The following CADPS variants were observed in gnomAD, a reference collection of about 807,000 sequenced individuals.
CADPS encodes calcium dependent secretion activator.
Under a neutral mutation model 167.3 loss-of-function variants are expected in CADPS, and 57 were observed. That is an observed-to-expected ratio of 0.34 (90% CI 0.28 to 0.42). The LOEUF (loss-of-function observed/expected upper bound fraction) is 0.42. CADPS is among the 20% of genes least tolerant of loss of function. CADPS has a pLI of 1.00. For missense variants in CADPS, 1,414 were observed against 1,738.1 expected, an observed-to-expected ratio of 0.81 and a Z score of 3.32; for synonymous variants, 676 against 635.3, an observed-to-expected ratio of 1.06 and a Z score of -0.96.
At chr3:62,507,232 T>G (rs2066861648) in intron 17 of CADPS, among the ~76,000 whole-genome samples, 1 of 152,128 alleles carries the variant, frequency 6.6e-6, no homozygotes, top group South Asian at 2.1e-4. Context: ...CAGTCAGTTC[T>G]TCTTAGGGGT....
intron 3 of CADPS, among the ~76,000 whole-genome samples, chr3:62,740,549 T>C (rs1267040060): frequency 3.3e-5 from 5 of 152,196 alleles, no homozygotes; most frequent in Non-Finnish European, 7.3e-5. Flanking sequence ...AGATCATCTC[T>C]CTTTACTCAG....
At position 62,433,977 on chromosome 3, in the gene CADPS, C is replaced by T. The variant is rs1190355898; in HGVS notation, c.3777+4127G>A. Among the ~76,000 whole-genome samples, 1 of 152,186 alleles carries T rather than the reference C, an allele frequency of 6.6e-6. No individual in the cohort carries two copies. Among genetic ancestry groups the T allele is most frequent in the African/African-American group, 2.4e-5 (1 of 41,448 alleles). On this transcript the variant is annotated intron_variant, in intron 28 of 29. Coordinates refer to ENST00000383710, the MANE Select transcript of CADPS (RefSeq NM_003716.4). This position sits in a 1 kb window ranked among gnomAD's most constrained non-coding sequence, Gnocchi z 4.7. ...AAGTTATTTCTTGAGCTTGTGCTTT[C>T]CTCTGTAGCTGCTGCTTTAGGAATA...
rs943431799 is a variant in CADPS, at chr3:62,602,636, A to C, written c.1326-9888T>G. Among the ~76,000 whole-genome samples the C allele has an allele frequency of 2.0e-5, 3 of 152,122 alleles. No individual in the cohort carries two copies. The highest frequency in any genetic ancestry group is 7.2e-5 in the African/African-American group (3 of 41,438). ...GGCTGGGCTTTGGGTTCTTTAGTGT[A>C]CTAGAAAAGCTAAGCTACCTCTCAT... is the stretch of plus-strand genomic sequence containing the variant. On this transcript the variant is annotated intron_variant, in intron 6 of 29. Transcript: ENST00000383710. The surrounding 1 kb of genome is among the most constrained non-coding windows in gnomAD (Gnocchi z 4.4).
chr3:62,746,410 A>T (rs1195663809), intron 3 of CADPS, among the ~76,000 whole-genome samples: 1 of 152,004 alleles, frequency 6.6e-6, no homozygotes, highest in African/African-American at 2.4e-5. Flanking sequence ...TTCATGGCTC[A>T]CTTCAGCCTT....
chr3:62,818,897 T>G (rs116735266), intron 1 of CADPS, among the ~76,000 whole-genome samples: 87 of 152,320 alleles, frequency 5.7e-4, no homozygotes, highest in Non-Finnish European at 1.1e-3. Flanking sequence ...TTCAGTAGTA[T>G]TATTCTGAGT....
chr3:62,476,639 A>G (rs767183504), intron 23 of CADPS, among the ~76,000 whole-genome samples: 2 of 152,132 alleles, frequency 1.3e-5, no homozygotes. Context: ...ATGGTAAGGG[A>G]TAAGAGTCCC....
chr3:62,656,646 C>T (rs1349626747), intron 4 of CADPS, among the ~76,000 whole-genome samples: 1 of 152,144 alleles, frequency 6.6e-6, no homozygotes, highest in Non-Finnish European at 1.5e-5. Flanking sequence ...GCCATTCCAC[C>T]ATTACCCAGA....
At chr3:62,718,911 G>T (rs1024778362) in intron 3 of CADPS, among the ~76,000 whole-genome samples, 3 of 152,224 alleles carry the variant, frequency 2.0e-5, no homozygotes, top group Non-Finnish European at 4.4e-5. Flanking sequence ...CGGGCTTTGG[G>T]TTTGGAGACA....
At chr3:62,466,474 G>C (rs756745492) in intron 24 of CADPS, 61 bp from the exon 25 acceptor site, 2 of 1,038,480 alleles carry the variant, frequency 1.9e-6, no homozygotes, top group African/African-American at 3.1e-5. Context: ...GCATCCGTCA[G>C]TAATTTTTAG....
In CADPS at chr3:62,465,092, T is replaced by C. The variant is rs1576413743; in HGVS notation, c.3636+275A>G. ...CAGAGCTAGCTAAGGTGGGCTTAGG[T>C]AGGCAAATCTCTGGATGCATACAAA... On this transcript the variant is annotated intron_variant, in intron 26 of 29. Coordinates refer to ENST00000383710, the MANE Select transcript of CADPS (RefSeq NM_003716.4). This position sits in a 1 kb window ranked among gnomAD's most constrained non-coding sequence, Gnocchi z 4.1. 1.3e-5 allele frequency among the ~76,000 whole-genome samples: 2 copies of C among 152,330 alleles called. No homozygotes were observed. The highest frequency in any genetic ancestry group is 1.9e-4 in the East Asian group (1 of 5,192).
At chr3:62,760,831 A>G (rs1028768237) in intron 2 of CADPS, among the ~76,000 whole-genome samples, 1 of 152,232 alleles carries the variant, frequency 6.6e-6, no homozygotes, top group Non-Finnish European at 1.5e-5. Context: ...GTCTTCTTGC[A>G]TAGATGAAAC....
At chr3:62,842,804 C>A (rs2076834936) in intron 1 of CADPS, among the ~76,000 whole-genome samples, 1 of 152,130 alleles carries the variant, frequency 6.6e-6, no homozygotes, top group African/African-American at 2.4e-5. Context: ...TCTAGACATG[C>A]TGAATGATGC....
chr3:62,807,192 G>A (rs1163282485), intron 1 of CADPS, among the ~76,000 whole-genome samples: 2 of 151,730 alleles, frequency 1.3e-5, no homozygotes, highest in Non-Finnish European at 2.9e-5. Flanking sequence ...TCAACACTGG[G>A]GAATCTTCAT....
intron 12 of CADPS, among the ~76,000 whole-genome samples, chr3:62,533,778 C>T (rs1175642790): frequency 6.6e-6 from 1 of 151,966 alleles, no homozygotes; most frequent in Non-Finnish European, 1.5e-5. Context: ...GGTAATAACG[C>T]AACTCTCCAA....
In CADPS at chr3:62,602,677, G is replaced by A. The variant is rs527259672; in HGVS notation, c.1326-9929C>T. 1.4e-4 allele frequency among the ~76,000 whole-genome samples: 22 copies of A among 152,248 alleles called. No homozygotes were observed. The highest frequency in any genetic ancestry group is 7.7e-4 in the East Asian group (4 of 5,174). ...TACCTCTCATCTACATAAGTGAGGC[G>A]TTTGCTTTGTAGAAATTGGGCTGTC... On this transcript the variant is annotated intron_variant, in intron 6 of 29. Transcript: ENST00000383710. The surrounding 1 kb of genome is among the most constrained non-coding windows in gnomAD (Gnocchi z 4.4).
intron 3 of CADPS, among the ~76,000 whole-genome samples, chr3:62,736,031 T>C (rs569176528): frequency 4.0e-4 from 61 of 152,256 alleles, no homozygotes; most frequent in Non-Finnish European, 7.6e-4. Flanking sequence ...TAAGGGGGAA[T>C]CAGTTTTAGA....
At chr3:62,846,102 AT>A (rs1166349673) in intron 1 of CADPS, among the ~76,000 whole-genome samples, 1 of 150,702 alleles carries the variant, frequency 6.6e-6, no homozygotes, top group Non-Finnish European at 1.5e-5. Flanking sequence ...ATGTGAAGAC[AT>A]TTTTGCTTCC....
At chr3:62,701,834 A>C (rs1342266297) in intron 3 of CADPS, among the ~76,000 whole-genome samples, 1 of 152,062 alleles carries the variant, frequency 6.6e-6, no homozygotes, top group Non-Finnish European at 1.5e-5. Context: ...AAGGAAAACA[A>C]AAACTCAGGA....
intron 19 of CADPS, 22 bp from the exon 20 acceptor site, chr3:62,492,468 C>T: frequency 6.2e-7 from 1 of 1,609,158 alleles, no homozygotes. Context: ...GGCAGAAAAA[C>T]AATAGACAAA....
Sources: gnomAD v4.1 joint callset for allele counts (sites outside exome capture counted in the v4.1 genomes callset) on GRCh38, gnomAD v4.1.1 for gene constraint, Gnocchi (gnomAD v3.1) non-coding constraint, MANE v1.5 for transcripts, NCBI Gene and HGNC (gene_info 2026-07-23, HGNC 2026-07-21) for gene names.